Variants in GRB14 observed in about 807,000 individuals in gnomAD.
GRB14 encodes growth factor receptor bound protein 14.
A neutral mutation model predicts 69.1 loss-of-function variants in GRB14; 38 were observed. The ratio of observed to expected loss-of-function variants is 0.55; its 90% CI spans 0.42 to 0.72. GRB14 has a LOEUF of 0.72. GRB14 is among the 30% of genes least tolerant of loss of function. The pLI, the probability that GRB14 is intolerant of heterozygous loss-of-function variation, is 0.00. For synonymous variants in GRB14, 247 were observed against 241.3 expected (o/e 1.02, Z -0.22); for missense variants, 666 against 666.1 (o/e 1.00, Z 0.00).
intron 2 of GRB14, chr2:164,573,789 T>C: frequency 1.2e-6 from 2 of 1,612,756 alleles, no homozygotes; most frequent in South Asian, 1.1e-5. Context: ...CACCAGTGTA[T>C]CAGCATTAAC....
In GRB14 at chr2:164,613,210, T is replaced by C. The variant is rs374753835; in HGVS notation, c.324+6477A>G. ...GGGTACGTTAAGTCAAATAAACCAATTGGTGGATCATCATATATCATACAA... is the reference window on the plus strand; with the variant it reads ...GGGTACGTTAAGTCAAATAAACCAACTGGTGGATCATCATATATCATACAA... On this transcript the variant is annotated intron_variant, in intron 2 of 13. Coordinates refer to ENST00000263915, the MANE Select transcript of GRB14 (RefSeq NM_004490.3). Among the ~76,000 whole-genome samples the C allele has an allele frequency of 2.6e-5, 4 of 152,214 alleles. No homozygotes were observed. The East Asian group carries it at 5.8e-4, about 22-fold the overall frequency.
intron 2 of GRB14, among the ~76,000 whole-genome samples, chr2:164,567,180 C>T (rs1403761961): frequency 2.0e-5 from 3 of 152,022 alleles, no homozygotes; most frequent in African/African-American, 7.2e-5. Flanking sequence ...ATTAAATTTG[C>T]TTACAATTAG....
chr2:164,573,568 T>C (rs893808429), intron 2 of GRB14, among the ~76,000 whole-genome samples: 2 of 152,218 alleles, frequency 1.3e-5, no homozygotes, highest in African/African-American at 4.8e-5. Flanking sequence ...ATACGTAATA[T>C]GTTGTTTCCA....
intron 2 of GRB14, among the ~76,000 whole-genome samples, chr2:164,564,681 A>G (rs1383527740): frequency 6.6e-6 from 1 of 152,200 alleles, no homozygotes; most frequent in Non-Finnish European, 1.5e-5. Context: ...CTGTAATTGT[A>G]GCATGGATGA....
At chr2:164,601,952 A>G (rs1558878924) in intron 2 of GRB14, among the ~76,000 whole-genome samples, 1 of 152,062 alleles carries the variant, frequency 6.6e-6, no homozygotes, top group Non-Finnish European at 1.5e-5. Flanking sequence ...GTGAAAGGAA[A>G]CTTTATATAA....
In GRB14 at chr2:164,495,024, C is replaced by A. The variant is rs141771897; in HGVS notation, c.1383-500G>T. 3.5e-3 allele frequency among the ~76,000 whole-genome samples: 527 copies of A among 152,132 alleles called. 3 individuals carry two copies. The highest frequency in any genetic ancestry group is 0.011 in the African/African-American group (477 of 41,524). ...TGGAGTGCTCTCGGCTCACTGCAAT[C>A]TCCGCCTCCAGGGTTCAAGCAATTC... On this transcript the variant is annotated intron_variant, in intron 12 of 13. Transcript: ENST00000263915.
chr2:164,565,594 C>T (rs1359852267), intron 2 of GRB14, among the ~76,000 whole-genome samples: 1 of 152,116 alleles, frequency 6.6e-6, no homozygotes, highest in Non-Finnish European at 1.5e-5. Flanking sequence ...TCAGTCTTCT[C>T]ATTTGAAAAA....
rs550174785 is a variant in GRB14 at position 164,606,467 on chromosome 2, A to G, written c.324+13220T>C. Among the ~76,000 whole-genome samples, 6 of 152,324 alleles carry G rather than the reference A, an allele frequency of 3.9e-5. No individual in the cohort carries two copies. In the South Asian group the frequency reaches 8.3e-4, roughly 21 times the overall value. The stretch of plus-strand genomic sequence containing the variant: ...CGACTCCTCTTTGTCTTTCTTGACT[A>G]AAGAGTCAATTAATTTATAAAGTAC... On this transcript the variant is annotated intron_variant, in intron 2 of 13. Coordinates refer to ENST00000263915, the MANE Select transcript of GRB14 (RefSeq NM_004490.3).
chr2:164,519,627 A>G (rs1687584859), intron 6 of GRB14, among the ~76,000 whole-genome samples: 1 of 152,098 alleles, frequency 6.6e-6, no homozygotes, highest in Non-Finnish European at 1.5e-5. Flanking sequence ...TTCCCCCAAA[A>G]ACTCCTAGAA....
intron 2 of GRB14, among the ~76,000 whole-genome samples, chr2:164,586,266 T>C (rs1387326206): frequency 2.6e-5 from 4 of 152,168 alleles, no homozygotes; most frequent in Admixed American, 2.0e-4. Flanking sequence ...AATAGTGGGA[T>C]ATGATAGTAG....
intron 2 of GRB14, among the ~76,000 whole-genome samples, chr2:164,587,346 A>G (rs1394871728): frequency 1.3e-5 from 2 of 152,192 alleles, no homozygotes; most frequent in Non-Finnish European, 2.9e-5. Context: ...TCAGTAATCA[A>G]CATCCTTTAT....
At chr2:164,584,016 T>A (rs542186444) in intron 2 of GRB14, among the ~76,000 whole-genome samples, 40 of 151,824 alleles carry the variant, frequency 2.6e-4, no homozygotes, top group Middle Eastern at 3.4e-3. Flanking sequence ...GACAGAGTCT[T>A]GCTTTGTCAC....
chr2:164,493,111 C>T lies in GRB14; in HGVS notation c.1548G>A (p.Leu516=). The change falls in exon 14 of 14, where the codon CTG becomes CTA. Residue 516 remains leucine (L), a synonymous_variant. Transcript: ENST00000263915. ...CCTTATTGAGTTGATAGAACTCCAC[C>T]AGCTGTATTAGATCTGTAAATCTTG... The part of the protein sequence containing the change: ...GHTRFTDLIQ[L]VEFYQLNKGV... 6.2e-7 allele frequency: 1 copy of T among 1,613,296 alleles called. No individual in the cohort carries two copies. The highest frequency in any genetic ancestry group is 1.1e-5 in the South Asian group (1 of 91,058).
chr2:164,492,997 C>A lies in GRB14; in HGVS notation c.*39G>T. ...GGTCTTTTATTATTTTTCTTGAGTC[C>A]TTTTCCTTCAATAGTTTAATAAGTC... On this transcript the variant is annotated 3_prime_UTR_variant, in exon 14 of 14. Coordinates refer to ENST00000263915, the MANE Select transcript of GRB14 (RefSeq NM_004490.3). 1 of 1,559,698 alleles carries A rather than the reference C, an allele frequency of 6.4e-7. No homozygotes were observed. Among genetic ancestry groups the A allele is most frequent in the Non-Finnish European group, 8.7e-7 (1 of 1,150,888 alleles).
chr2:164,582,569 C>T (rs773122568), intron 2 of GRB14, among the ~76,000 whole-genome samples: 3 of 151,952 alleles, frequency 2.0e-5, no homozygotes, highest in Admixed American at 1.3e-4. Context: ...TACAGTCACC[C>T]GCCACCATGC....
intron 2 of GRB14, among the ~76,000 whole-genome samples, chr2:164,613,433 T>G (rs7607177): frequency 0.77 from 117,452 of 151,898 alleles, 46,070 homozygotes; most frequent in African/African-American, 0.82. Flanking sequence ...TTGAATAGGA[T>G]CTGGACACAC....
intron 2 of GRB14, among the ~76,000 whole-genome samples, chr2:164,579,755 G>C (rs1381662562): frequency 6.6e-6 from 1 of 152,052 alleles, no homozygotes; most frequent in Non-Finnish European, 1.5e-5. Context: ...TGGAGGACCA[G>C]CTATACACAT....
At chr2:164,598,898 A>C (rs1473506193) in intron 2 of GRB14, among the ~76,000 whole-genome samples, 1 of 152,182 alleles carries the variant, frequency 6.6e-6, no homozygotes, top group African/African-American at 2.4e-5. Flanking sequence ...ATCTCTTATT[A>C]TCACACTAAC....
chr2:164,502,180 C>T (rs1342557907), intron 9 of GRB14, 75 bp downstream of exon 9: 2 of 707,528 alleles, frequency 2.8e-6, no homozygotes, highest in African/African-American at 3.5e-5. Flanking sequence ...TTATAAGATA[C>T]TGTTATGTAG....
Sources: allele counts gnomAD v4.1 joint callset (sites outside exome capture counted in the v4.1 genomes callset), GRCh38; gene constraint gnomAD v4.1.1; transcripts MANE v1.5; gene names NCBI Gene and HGNC (gene_info 2026-07-23, HGNC 2026-07-21).